The following MGMT variants were observed in gnomAD, a reference collection of about 807,000 sequenced individuals.
MGMT encodes methylated-DNA--protein-cysteine methyltransferase.
Under a neutral mutation model 15.9 loss-of-function variants are expected in MGMT, and 14 were observed. The ratio of observed to expected loss-of-function variants is 0.88; its 90% CI spans 0.58 to 1.37. The LOEUF (loss-of-function observed/expected upper bound fraction) is 1.37, where lower values mean the gene tolerates loss of function less well. Among genes scored for constraint, MGMT ranks in the 40% most tolerant of loss-of-function variants. MGMT has a pLI of 0.00. For synonymous variants in MGMT, 130 were observed against 118.2 expected, an observed-to-expected ratio of 1.10 and a Z score of -0.65; for missense variants, 282 against 268.1, an observed-to-expected ratio of 1.05 and a Z score of -0.36.
At chr10:129,467,556 C>G (rs545395285) in intron 1 of MGMT, 4 of 477,272 alleles carry the variant, frequency 8.4e-6, no homozygotes, top group Admixed American at 6.4e-5. Context: ...CGTGGCAGCC[C>G]CTGCCTTACC....
At chr10:129,753,885 T>G (rs1485791108) in intron 3 of MGMT, among the ~76,000 whole-genome samples, 1 of 152,262 alleles carries the variant, frequency 6.6e-6, no homozygotes, top group Admixed American at 6.5e-5. Flanking sequence ...ATTATGAGAC[T>G]CTGGGTTTTA....
At chr10:129,697,609 G>A (rs1564764899) in intron 2 of MGMT, among the ~76,000 whole-genome samples, 2 of 152,218 alleles carry the variant, frequency 1.3e-5, no homozygotes, top group Non-Finnish European at 2.9e-5. Context: ...AATAGCAGCT[G>A]TGCAGTGTTG....
At chr10:129,483,993 T>C (rs527915931) in intron 1 of MGMT, among the ~76,000 whole-genome samples, 1 of 152,266 alleles carries the variant, frequency 6.6e-6, no homozygotes, top group East Asian at 1.9e-4. Context: ...CAGGAAATCT[T>C]ATGTATTATT....
chr10:129,478,830 T>G (rs745380619), intron 1 of MGMT, among the ~76,000 whole-genome samples: 1 of 152,242 alleles, frequency 6.6e-6, no homozygotes, highest in Admixed American at 6.5e-5. Context: ...TAGTGCTCTA[T>G]TTGAAGTGTG....
At position 129,547,746 on chromosome 10, in the gene MGMT, G is replaced by A. The variant is rs541791263; in HGVS notation, c.125+11369G>A. 3.8e-4 allele frequency among the ~76,000 whole-genome samples: 58 copies of A among 152,284 alleles called. No homozygotes were observed. In the South Asian group the frequency reaches 5.6e-3, roughly 15 times the overall value. ...AATGCTCTGTCTCTGCATTCTCTTCGAGTAACACTGGGGAGTGTTCATGGC... is the reference window on the plus strand; with the variant it reads ...AATGCTCTGTCTCTGCATTCTCTTCAAGTAACACTGGGGAGTGTTCATGGC... On this transcript the variant is annotated intron_variant, in intron 2 of 4. Transcript: ENST00000651593.
chr10:129,693,037 T>G (rs1847987268), intron 2 of MGMT, among the ~76,000 whole-genome samples: 1 of 152,238 alleles, frequency 6.6e-6, no homozygotes, highest in African/African-American at 2.4e-5. Flanking sequence ...CAATGTACTT[T>G]TAGTGCAGTA....
At chr10:129,528,660 G>C (rs903621422) in intron 1 of MGMT, among the ~76,000 whole-genome samples, 6 of 150,166 alleles carry the variant, frequency 4.0e-5, no homozygotes, top group African/African-American at 1.5e-4. Flanking sequence ...GGAGAACCGT[G>C]GTGGCGGAGT....
chr10:129,546,424 G>C (rs1442817653), intron 2 of MGMT, among the ~76,000 whole-genome samples: 1 of 152,360 alleles, frequency 6.6e-6, no homozygotes, highest in East Asian at 1.9e-4. Context: ...GGGCATGGAG[G>C]GGTAGCAGAA....
chr10:129,542,041 G>A (rs1178096457), intron 2 of MGMT, among the ~76,000 whole-genome samples: 3 of 152,200 alleles, frequency 2.0e-5, no homozygotes, highest in African/African-American at 7.2e-5. Flanking sequence ...CCGGGCCTCT[G>A]TGTTGAACCT....
Position 129,684,174 on chromosome 10 carries a change from G to A in MGMT, c.126-23721G>A, listed in dbSNP as rs1847882126. Among the ~76,000 whole-genome samples the A allele has an allele frequency of 2.0e-5, 3 of 152,340 alleles. No individual in the cohort carries two copies. The South Asian group carries it at 6.2e-4, about 32-fold the overall frequency. On this transcript the variant is annotated intron_variant, in intron 2 of 4. Transcript: ENST00000651593. The stretch of plus-strand genomic sequence containing the variant: ...CTATCTAAACCACTTCACCTAGTGT[G>A]GAATGAGCAAGTGTACTTGCAAATT...
At chr10:129,632,747 G>A (rs755253655) in intron 2 of MGMT, among the ~76,000 whole-genome samples, 6 of 152,052 alleles carry the variant, frequency 3.9e-5, no homozygotes, top group Non-Finnish European at 5.9e-5. Context: ...TACCACAGTG[G>A]GTTCAAAGTC....
At chr10:129,625,182 T>C (rs1847132584) in intron 2 of MGMT, among the ~76,000 whole-genome samples, 1 of 152,120 alleles carries the variant, frequency 6.6e-6, no homozygotes, top group African/African-American at 2.4e-5. Flanking sequence ...TTGTCAGAGC[T>C]TAACAATTTA....
chr10:129,503,563 C>A (rs537325209), intron 1 of MGMT, among the ~76,000 whole-genome samples: 12 of 152,164 alleles, frequency 7.9e-5, no homozygotes, highest in Non-Finnish European at 1.5e-4. Context: ...TAATGTGATA[C>A]TCTTTGAAAT....
At chr10:129,604,195 C>T (rs969015761) in intron 2 of MGMT, among the ~76,000 whole-genome samples, 2 of 152,178 alleles carry the variant, frequency 1.3e-5, no homozygotes, top group East Asian at 3.9e-4. Context: ...CTCTACGACG[C>T]TCATCATCTG....
At chr10:129,719,684 G>A (rs897922716) in intron 3 of MGMT, among the ~76,000 whole-genome samples, 1 of 152,102 alleles carries the variant, frequency 6.6e-6, no homozygotes, top group African/African-American at 2.4e-5. Flanking sequence ...CTGAACAACC[G>A]AATGAGAACT....
intron 2 of MGMT, among the ~76,000 whole-genome samples, chr10:129,578,336 T>C (rs1589876385): frequency 6.6e-6 from 1 of 152,184 alleles, no homozygotes; most frequent in South Asian, 2.1e-4. Flanking sequence ...ATATACACCA[T>C]GGAATACTAT....
At chr10:129,737,897 G>A (rs1848583094) in intron 3 of MGMT, among the ~76,000 whole-genome samples, 1 of 152,222 alleles carries the variant, frequency 6.6e-6, no homozygotes, top group Admixed American at 6.5e-5. Context: ...CACTTGAGGA[G>A]GCAGTCTGCC....
intron 2 of MGMT, among the ~76,000 whole-genome samples, chr10:129,643,081 T>C (rs892516245): frequency 6.6e-6 from 1 of 152,148 alleles, no homozygotes; most frequent in African/African-American, 2.4e-5. Context: ...AAAGGGAGTT[T>C]TGTAGCTGAG....
intron 3 of MGMT, among the ~76,000 whole-genome samples, chr10:129,751,383 T>C (rs1180927807): frequency 6.6e-6 from 1 of 151,986 alleles, no homozygotes; most frequent in Non-Finnish European, 1.5e-5. Context: ...TCTCTTTTAT[T>C]CCTGATATTG....
Sources: gnomAD v4.1 joint callset for allele counts (sites outside exome capture counted in the v4.1 genomes callset) on GRCh38, gnomAD v4.1.1 for gene constraint, MANE v1.5 for transcripts, NCBI Gene and HGNC (gene_info 2026-07-23, HGNC 2026-07-21) for gene names.